Variants in HERC6 observed in about 807,000 individuals in gnomAD.
The protein encoded by HERC6 is probable E3 ubiquitin-protein ligase HERC6.
A neutral mutation model predicts 114.5 loss-of-function variants in HERC6; 101 were observed. The ratio of observed to expected loss-of-function variants is 0.88; its 90% CI spans 0.75 to 1.04. The LOEUF is 1.04. HERC6 is among the 50% of genes least tolerant of loss of function. HERC6 has a pLI of 0.00. For missense variants in HERC6, 1,133 were observed against 1,230.9 expected (o/e 0.92, Z 1.19); for synonymous variants, 408 against 436.2 (o/e 0.94, Z 0.81).
At chr4:88,398,367 C>T (rs1735359453) in intron 8 of HERC6, 158 bp downstream of exon 8, 1 of 439,888 alleles carries the variant, frequency 2.3e-6, no homozygotes, top group Non-Finnish European at 4.0e-6. Flanking sequence ...ACATAATTCT[C>T]ACTTCCTTAT....
At chr4:88,395,013 C>T (rs1462177537) in intron 5 of HERC6, among the ~76,000 whole-genome samples, 1 of 152,128 alleles carries the variant, frequency 6.6e-6, no homozygotes, top group African/African-American at 2.4e-5. Flanking sequence ...GTTTTCTTCC[C>T]ATTCTTGTCC....
Position 88,413,132 on chromosome 4 carries a change from A to T in HERC6, c.1424A>T (p.His475Leu), listed in dbSNP as rs747047872. Residue 475 changes from histidine to leucine, a missense_variant, in exon 12 of 23, where the codon CAC becomes CTC. Transcript: ENST00000264346. ...AGAGCTCTTCCATGCCATTCTCCACACCAAGAAGCTTTATCAGTTTTCCTC... is the reference window on the plus strand; with the variant it reads ...AGAGCTCTTCCATGCCATTCTCCACTCCAAGAAGCTTTATCAGTTTTCCTC... Reference protein sequence around the residue: ...LLRALPCHSPHQEALSVFLLL... With the variant: ...LLRALPCHSPLQEALSVFLLL... 9 of 1,613,582 alleles carry T rather than the reference A, an allele frequency of 5.6e-6. No homozygotes were observed. The South Asian group carries it at 8.8e-5, about 16-fold the overall frequency.
At chr4:88,393,142 C>T (rs942419981) in intron 4 of HERC6, among the ~76,000 whole-genome samples, 10 of 152,090 alleles carry the variant, frequency 6.6e-5, no homozygotes, top group African/African-American at 9.7e-5. Flanking sequence ...TCGGGCATTC[C>T]GGAAGATTAG....
rs1361836976 is a variant in HERC6, at chr4:88,440,183, T to A, written c.2775T>A (p.His925Gln). The change falls in exon 22 of 23, where the codon CAT (histidine) becomes CAA (glutamine). Residue 925 changes from histidine (H) to glutamine (Q), a missense_variant. His to Gln is a conservative substitution (Grantham distance 24). This residue lies in a region of HERC6 where 388 missense variants were observed against 445.9 expected (regional missense o/e 0.87). Coordinates refer to ENST00000264346, the MANE Select transcript of HERC6 (RefSeq NM_017912.4). ...SKYEQGYQKSHPTIQLFWKAF... is the reference protein window; with the variant it reads ...SKYEQGYQKSQPTIQLFWKAF... ...ATGAGCAAGGATACCAAAAATCACA[T>A]CCTACTATACAGTTGTTTTGGAAGG... is the stretch of plus-strand genomic sequence containing the variant. The A allele has an allele frequency of 3.7e-6, 6 of 1,609,364 alleles. No homozygotes were observed. The highest frequency in any genetic ancestry group is 1.7e-4 in the Middle Eastern group (1 of 6,060).
At chr4:88,386,549 A>G (rs571220501) in intron 3 of HERC6, among the ~76,000 whole-genome samples, 228 of 152,292 alleles carry the variant, frequency 1.5e-3, no homozygotes, top group Non-Finnish European at 2.5e-3. Context: ...TTCACAGAAA[A>G]TAAGTGAAAC....
At position 88,440,218 on chromosome 4, in the gene HERC6, A is replaced by G; in HGVS notation, c.2810A>G (p.Lys937Arg). 1 of 1,603,224 alleles carries G rather than the reference A, an allele frequency of 6.2e-7. No individual in the cohort carries two copies. Among genetic ancestry groups the G allele is most frequent in the Non-Finnish European group, 8.5e-7 (1 of 1,173,496 alleles). Reference sequence around the variant, plus strand: ...CAGTTGTTTTGGAAGGCTTTCCACAAACTAACCTTGGATGAAAAGAAAAAA... The same window carrying G: ...CAGTTGTTTTGGAAGGCTTTCCACAGACTAACCTTGGATGAAAAGAAAAAA... ...TIQLFWKAFH[K>R]LTLDEKKKFL... Residue 937 changes from lysine (K) to arginine (R), a missense_variant, in exon 22 of 23, where the codon AAA (lysine) becomes AGA (arginine). Lys to Arg is a conservative substitution (Grantham distance 26, BLOSUM62 2). Coordinates refer to ENST00000264346, the MANE Select transcript of HERC6 (RefSeq NM_017912.4).
intron 1 of HERC6, among the ~76,000 whole-genome samples, chr4:88,379,810 AAT>A (rs1350402545): frequency 8.4e-4 from 66 of 78,910 alleles, no homozygotes; most frequent in African/African-American, 2.8e-3. Flanking sequence ...ATAATATATA[AAT>A]ATATATATAA....
intron 14 of HERC6, among the ~76,000 whole-genome samples, chr4:88,424,240 A>C (rs777470282): frequency 1.3e-5 from 2 of 152,214 alleles, no homozygotes; most frequent in Non-Finnish European, 2.9e-5. Context: ...TAATCCCAGC[A>C]CTTTGGGAGG....
intron 11 of HERC6, among the ~76,000 whole-genome samples, 188 bp from the exon 12 acceptor site, chr4:88,412,889 A>G (rs1736197587): frequency 6.6e-6 from 1 of 152,202 alleles, no homozygotes; most frequent in Non-Finnish European, 1.5e-5. Context: ...GATGGCTCTC[A>G]TGTACTATAT....
In HERC6 at chr4:88,396,127, A is replaced by G; in HGVS notation, c.872A>G (p.Gln291Arg). The G allele has an allele frequency of 6.2e-7, 1 of 1,600,370 alleles. No homozygotes were observed. Among genetic ancestry groups the G allele is most frequent in the Non-Finnish European group, 8.5e-7 (1 of 1,173,744 alleles). Reference sequence around the variant, plus strand: ...GAAAGAATTGATGGCCTAGTTTCGCAGATAGATTGTGGAAGGTAATAGGCT... The same window carrying G: ...GAAAGAATTGATGGCCTAGTTTCGCGGATAGATTGTGGAAGGTAATAGGCT... The part of the protein sequence containing the change: ...LVERIDGLVS[Q>R]IDCGSYHTLA... The change falls in exon 6 of 23, where the codon CAG becomes CGG. Residue 291 changes from glutamine (Q) to arginine (R), a missense_variant. Transcript: ENST00000264346.
At chr4:88,386,773 G>A (rs1560533613) in intron 3 of HERC6, among the ~76,000 whole-genome samples, 1 of 152,142 alleles carries the variant, frequency 6.6e-6, no homozygotes, top group Non-Finnish European at 1.5e-5. Flanking sequence ...TCTCTCCCTG[G>A]TACAGTAGAG....
At chr4:88,421,517 G>A (rs1303309674) in intron 13 of HERC6, among the ~76,000 whole-genome samples, 3 of 149,586 alleles carry the variant, frequency 2.0e-5, no homozygotes, top group African/African-American at 4.9e-5. Flanking sequence ...GCAGGATCTC[G>A]GCTCACTGCC....
intron 1 of HERC6, among the ~76,000 whole-genome samples, chr4:88,379,669 A>G (rs1734062441): frequency 1.2e-5 from 1 of 81,252 alleles, no homozygotes; most frequent in South Asian, 3.7e-4. Flanking sequence ...AAATATATAT[A>G]ATATATAAAT....
In HERC6 at chr4:88,432,599, C is replaced by T. The variant is rs144130035; in HGVS notation, c.2250+1294C>T. ...CAAAAATTAGCCAGGTGTGGTGGTG[C>T]GTGCCTGTAATCCCAGCTACTTGGG... On this transcript the variant is annotated intron_variant, in intron 17 of 22. Transcript: ENST00000264346. Among the ~76,000 whole-genome samples, 1,106 of 151,780 alleles carry T rather than the reference C, an allele frequency of 7.3e-3. 12 individuals are homozygous for T. The highest frequency in any genetic ancestry group is 0.025 in the African/African-American group (1,024 of 41,400).
At chr4:88,423,791 T>TATC in intron 13 of HERC6, 69 bp from the exon 14 acceptor site, 1 of 625,364 alleles carries the variant, frequency 1.6e-6, no homozygotes, top group Non-Finnish European at 2.7e-6. Flanking sequence ...CATACATATA[T>TATC]ATCTATATAT....
At position 88,383,275 on chromosome 4, in the gene HERC6, A is replaced by G; in HGVS notation, c.254A>G (p.Glu85Gly). 6.2e-7 allele frequency: 1 copy of G among 1,605,694 alleles called. No individual in the cohort carries two copies. The highest frequency in any genetic ancestry group is 1.7e-4 in the Middle Eastern group (1 of 6,052). ...GTTGATCTCGTGAGCTGCGGGAAGG[A>G]GCACTCCCTGGCTGTGTGCCACAAA... Reference protein sequence around the residue: ...LIVDLVSCGKEHSLAVCHKGR... With the variant: ...LIVDLVSCGKGHSLAVCHKGR... Residue 85 changes from glutamate (E) to glycine (G), a missense_variant, in exon 2 of 23, where the codon GAG becomes GGG. Physicochemically the swap from Glu to Gly is moderately conservative, Grantham distance 98 (BLOSUM62 -2). Transcript: ENST00000264346.
At chr4:88,386,894 A>G (rs1278755460) in intron 3 of HERC6, among the ~76,000 whole-genome samples, 1 of 152,130 alleles carries the variant, frequency 6.6e-6, no homozygotes, top group Non-Finnish European at 1.5e-5. Flanking sequence ...ACTCAAAACA[A>G]TCCTTATGCC....
At position 88,385,784 on chromosome 4, in the gene HERC6, T is replaced by C. The variant is rs190899217; in HGVS notation, c.436+209T>C. The stretch of plus-strand genomic sequence containing the variant: ...CCTAATTCATAGTGCCATAAGGGGC[T>C]GTCTCTGGTTATTTGACCTAACTGG... On this transcript the variant is annotated intron_variant, in intron 3 of 22. Transcript: ENST00000264346. 1.6e-4 allele frequency among the ~76,000 whole-genome samples: 24 copies of C among 152,352 alleles called. 1 individual carries two copies. In the East Asian group the frequency reaches 3.3e-3, roughly 21 times the overall value.
chr4:88,434,968 A>G (rs1167438814), intron 17 of HERC6, among the ~76,000 whole-genome samples: 1 of 152,178 alleles, frequency 6.6e-6, no homozygotes, highest in Non-Finnish European at 1.5e-5. Flanking sequence ...TTATTTTCAC[A>G]ATTAAATAAA....
Sources: gnomAD v4.1 joint callset for allele counts (sites outside exome capture counted in the v4.1 genomes callset) on GRCh38, gnomAD v4.1.1 for gene constraint, gnomAD v4.1.1 regional missense constraint, MANE v1.5 for transcripts, NCBI Gene and HGNC (gene_info 2026-07-23, HGNC 2026-07-21) for gene names.